The following ERICH1 variants were observed in gnomAD, a reference collection of about 807,000 sequenced individuals.
ERICH1 encodes the protein glutamate-rich protein 1.
A neutral mutation model predicts 39.6 loss-of-function variants in ERICH1; 56 were observed. The observed-to-expected ratio is 1.41, with a 90% CI of 1.14 to 1.77. The LOEUF (loss-of-function observed/expected upper bound fraction) is 1.77. Ranked by LOEUF, ERICH1 falls within the 40% of genes most tolerant of loss-of-function variation. The pLI is 0.00. For synonymous variants in ERICH1, 313 were observed against 223.6 expected (o/e 1.40, Z -3.57); for missense variants, 826 against 575.4 (o/e 1.44, Z -4.45).
chr8:626,710 G>T (rs886143752), intron 3 of ERICH1: 2 of 173,402 alleles, frequency 1.2e-5, no homozygotes, highest in Admixed American at 5.4e-5. Flanking sequence ...TCCAGCTGGC[G>T]TCTGTCTCTC....
chr8:708,821 G>C (rs1243296300), intron 2 of ERICH1, among the ~76,000 whole-genome samples: 1 of 149,596 alleles, frequency 6.7e-6, no homozygotes, highest in Non-Finnish European at 1.5e-5. Flanking sequence ...AGCCTCTTGA[G>C]TAGCTGCGAT....
intron 3 of ERICH1, among the ~76,000 whole-genome samples, chr8:623,837 A>T (rs998361119): frequency 3.3e-5 from 5 of 152,216 alleles, no homozygotes; most frequent in Admixed American, 2.0e-4. Flanking sequence ...ATGACCTTGG[A>T]TCAGACCATG....
downstream of ERICH1, among the ~76,000 whole-genome samples, chr8:660,496 C>T (rs926132381): frequency 1.3e-5 from 2 of 152,164 alleles, no homozygotes; most frequent in South Asian, 2.1e-4. Context: ...CTCTGTCCTG[C>T]GGCCACACGA....
intron 2 of ERICH1, among the ~76,000 whole-genome samples, chr8:694,059 G>C (rs1585375047): frequency 6.6e-6 from 1 of 152,206 alleles, no homozygotes; most frequent in East Asian, 1.9e-4. Flanking sequence ...TCCCAGCTGG[G>C]CTTTTACCAA....
At chr8:643,970 G>T (rs964340952) in intron 3 of ERICH1, among the ~76,000 whole-genome samples, 1 of 152,250 alleles carries the variant, frequency 6.6e-6, no homozygotes, top group Non-Finnish European at 1.5e-5. Flanking sequence ...CAGCACGGTG[G>T]GCCTGACGGG....
intron 3 of ERICH1, among the ~76,000 whole-genome samples, chr8:637,798 A>C (rs1563175271): frequency 6.6e-6 from 1 of 152,192 alleles, no homozygotes; most frequent in Non-Finnish European, 1.5e-5. Context: ...CCGGGAGTCA[A>C]ACAGTGCTTG....
chr8:726,338 C>T (rs1195187023), intron 1 of ERICH1, among the ~76,000 whole-genome samples: 5 of 151,222 alleles, frequency 3.3e-5, no homozygotes, highest in Admixed American at 6.6e-5. Context: ...TGCAGGCACA[C>T]AACACACAGG....
chr8:661,175 A>G (rs1801376392), downstream of ERICH1, among the ~76,000 whole-genome samples: 1 of 152,122 alleles, frequency 6.6e-6, no homozygotes, highest in African/African-American at 2.4e-5. Flanking sequence ...AGCGGGTGGA[A>G]CACATTCCTG....
intron 3 of ERICH1, among the ~76,000 whole-genome samples, chr8:688,155 C>T (rs1039651209): frequency 2.0e-5 from 3 of 152,160 alleles, no homozygotes; most frequent in Non-Finnish European, 4.4e-5. Flanking sequence ...GGGGCAAGTG[C>T]GCCCTCAAGG....
At chr8:668,995 G>A (rs148811947) in intron 4 of ERICH1, 10,995 of 586,220 alleles carry the variant, frequency 0.019, 146 homozygotes, top group Non-Finnish European at 0.023. Context: ...TGGAAACCTG[G>A]CCCGTCTACA....
At chr8:678,564 T>C (rs1283544591) in intron 3 of ERICH1, among the ~76,000 whole-genome samples, 1 of 152,116 alleles carries the variant, frequency 6.6e-6, no homozygotes, top group Non-Finnish European at 1.5e-5. Flanking sequence ...AAAGAAAAAG[T>C]CTTGGGAGGC....
At chr8:724,156 A>G (rs1024864591) in intron 1 of ERICH1, among the ~76,000 whole-genome samples, 2 of 152,202 alleles carry the variant, frequency 1.3e-5, no homozygotes, top group African/African-American at 4.8e-5. Context: ...ATCCTCACGT[A>G]GGAGGTGAAA....
At position 673,459 on chromosome 8, in the gene ERICH1, C is replaced by A. The variant is rs201087769; in HGVS notation, c.893G>T (p.Gly298Val). The A allele has an allele frequency of 1.2e-6, 2 of 1,611,830 alleles. No individual in the cohort carries two copies. Among genetic ancestry groups the A allele is most frequent in the East Asian group, 4.5e-5 (2 of 44,866 alleles). Residue 298 changes from glycine to valine, a missense_variant, in exon 4 of 6, where the codon GGT (glycine) becomes GTT (valine). Physicochemically the swap from Gly to Val is moderately radical, Grantham distance 109. Transcript: ENST00000262109. The stretch of plus-strand genomic sequence containing the variant: ...CGGGTCTTCCTCGCTGGCGTCCGCA[C>A]CGTCCTCCTCCCTGGTGTCTTTACC... ...EDGKDTREEDGADASEEDPTW... is the reference protein window; with the variant it reads ...EDGKDTREEDVADASEEDPTW...
intron 3 of ERICH1, among the ~76,000 whole-genome samples, chr8:680,890 T>C: frequency 6.6e-6 from 1 of 152,154 alleles, no homozygotes; most frequent in Non-Finnish European, 1.5e-5. Flanking sequence ...GCAGATCCAC[T>C]GGGGCTTCCT....
chr8:619,447 C>G lies in ERICH1; in HGVS notation c.977-4163G>C, dbSNP rs192082061. ...TATAATTACATTATTTGTATTATAA[C>G]ATATAGAAACGTAATACATTTGAAA... On this transcript the variant is annotated intron_variant, in intron 3 of 3. Transcript: ENST00000522706. Among the ~76,000 whole-genome samples, 155 of 152,144 alleles carry G rather than the reference C, an allele frequency of 1.0e-3. 1 individual carries two copies. The highest frequency in any genetic ancestry group is 3.7e-3 in the African/African-American group (153 of 41,490).
intron 2 of ERICH1, among the ~76,000 whole-genome samples, chr8:700,859 C>T (rs1206144484): frequency 1.3e-5 from 2 of 152,226 alleles, no homozygotes; most frequent in Non-Finnish European, 2.9e-5. Flanking sequence ...AAAAACTCTC[C>T]TGAAAAATAC....
At chr8:622,956 C>CAATA (rs71202635) in intron 3 of ERICH1, among the ~76,000 whole-genome samples, 27,702 of 143,798 alleles carry the variant, frequency 0.19, 2,958 homozygotes, top group Middle Eastern at 0.31. Flanking sequence ...GATCCGCTCT[C>CAATA]AATAAATAAA....
At chr8:673,181 A>G (rs1585182598) in intron 4 of ERICH1, 108 bp downstream of exon 4, 3 of 1,305,890 alleles carry the variant, frequency 2.3e-6, no homozygotes, top group Non-Finnish European at 3.1e-6. Flanking sequence ...ATTATTTTAC[A>G]TTGAATATTT....
chr8:642,637 C>T (rs1042049343), intron 3 of ERICH1, among the ~76,000 whole-genome samples: 1 of 152,100 alleles, frequency 6.6e-6, no homozygotes, highest in South Asian at 2.1e-4. Context: ...GTTACAGAAA[C>T]CACAGTTGAG....
Sources: gnomAD v4.1 joint callset for allele counts (sites outside exome capture counted in the v4.1 genomes callset) on GRCh38, gnomAD v4.1.1 for gene constraint, MANE v1.5 for transcripts, NCBI Gene and HGNC (gene_info 2026-07-23, HGNC 2026-07-21) for gene names.